KCNH6: variants seen among roughly 807,000 people sequenced by gnomAD.
The protein encoded by KCNH6 is potassium voltage-gated channel subfamily H member 6.
Under a neutral mutation model 83.4 loss-of-function variants are expected in KCNH6, and 81 were observed. The ratio of observed to expected loss-of-function variants is 0.97; its 90% CI spans 0.81 to 1.17. The LOEUF (loss-of-function observed/expected upper bound fraction) is 1.17, where lower values mean the gene tolerates loss of function less well. Among genes scored for constraint, KCNH6 ranks in the 50% most tolerant of loss-of-function variants. The pLI, the probability that KCNH6 is intolerant of heterozygous loss-of-function variation, is 0.00. For missense variants in KCNH6, 1,203 were observed against 1,290.5 expected (o/e 0.93, Z 1.04); for synonymous variants, 503 against 545.6 (o/e 0.92, Z 1.09).
intron 10 of KCNH6, 91 bp downstream of exon 10, chr17:63,543,751 G>A (rs554860260): frequency 1.5e-5 from 12 of 803,502 alleles, no homozygotes; most frequent in African/African-American, 3.5e-5. Flanking sequence ...CCTCCCCAGC[G>A]CCACCCCACT....
In KCNH6 at chr17:63,534,539, C is replaced by A. The variant is rs1056753899; in HGVS notation, c.1101+228C>A. Among the ~76,000 whole-genome samples, 1 of 152,126 alleles carries A rather than the reference C, an allele frequency of 6.6e-6. No individual in the cohort carries two copies. Among genetic ancestry groups the A allele is most frequent in the Non-Finnish European group, 1.5e-5 (1 of 68,002 alleles). On this transcript the variant is annotated intron_variant, in intron 5 of 12. Coordinates refer to ENST00000314672, the MANE Select transcript of KCNH6 (RefSeq NM_001278919.2). This position sits in a 1 kb window ranked among gnomAD's most constrained non-coding sequence, Gnocchi z 5.0. ...TCTGTCCCTCTGCCCCCTCTCTGAG[C>A]AGGCCCTGGTAAGAGGAGCAGGCTG... is the stretch of plus-strand genomic sequence containing the variant.
chr17:63,524,932 G>C (rs4257270), intron 2 of KCNH6, among the ~76,000 whole-genome samples: 1 of 151,860 alleles, frequency 6.6e-6, no homozygotes, highest in African/African-American at 2.4e-5. Context: ...GAACAGAAGC[G>C]TAAGTCAGGA....
Position 63,545,640 on chromosome 17 carries a change from G to A in KCNH6, c.2615G>A (p.Ser872Asn). The change falls in exon 13 of 13, where the codon AGT becomes AAT. Residue 872 changes from serine to asparagine, a missense_variant. Coordinates refer to ENST00000314672, the MANE Select transcript of KCNH6 (RefSeq NM_001278919.2). Reference protein sequence around the residue: ...TPSYGDLDDCSPKHRNSSPRM... With the variant: ...TPSYGDLDDCNPKHRNSSPRM... Reference sequence around the variant, plus strand: ...AGCTATGGAGACTTGGATGACTGTAGTCCAAAGCACAGGAACTCCTCCCCC... The same window carrying A: ...AGCTATGGAGACTTGGATGACTGTAATCCAAAGCACAGGAACTCCTCCCCC... 3 of 1,613,894 alleles carry A rather than the reference G, an allele frequency of 1.9e-6. No homozygotes were observed. Among genetic ancestry groups the A allele is most frequent in the Non-Finnish European group, 2.5e-6 (3 of 1,179,962 alleles).
rs1306199754 is a variant in KCNH6, at chr17:63,542,245, G to A, written c.1959G>A (p.Lys653=). Residue 653 remains lysine (K), a synonymous_variant, in exon 9 of 13, where the codon AAG becomes AAA. Coordinates refer to ENST00000314672, the MANE Select transcript of KCNH6 (RefSeq NM_001278919.2). ...RDDVVVAILG[K]NDIFGEPVSL... ...TCCCACCCCTCTGGCTGGCAGGAAA[G>A]AATGACATCTTTGGGGAACCCGTCA... 1 of 1,613,700 alleles carries A rather than the reference G, an allele frequency of 6.2e-7. No homozygotes were observed. The highest frequency in any genetic ancestry group is 2.2e-5 in the East Asian group (1 of 44,886).
chr17:63,525,913 G>A (rs935353152), intron 2 of KCNH6, among the ~76,000 whole-genome samples: 5 of 152,198 alleles, frequency 3.3e-5, no homozygotes, highest in African/African-American at 9.6e-5. Context: ...AGCAGGAAAT[G>A]GGGGTTACAG....
At position 63,542,242 on chromosome 17, in the gene KCNH6, A is replaced by T; in HGVS notation, c.1956A>T (p.Gly652=). 2 of 1,613,474 alleles carry T rather than the reference A, an allele frequency of 1.2e-6. No homozygotes were observed. Among genetic ancestry groups the T allele is most frequent in the Non-Finnish European group, 1.7e-6 (2 of 1,179,622 alleles). The part of the protein sequence containing the change: ...LRDDVVVAIL[G]KNDIFGEPVS... ...GACTCCCACCCCTCTGGCTGGCAGG[A>T]AAGAATGACATCTTTGGGGAACCCG... Residue 652 remains glycine (G), a splice_region_variant and synonymous_variant, in exon 9 of 13, where the codon GGA becomes GGT. Coordinates refer to ENST00000314672, the MANE Select transcript of KCNH6 (RefSeq NM_001278919.2).
In KCNH6 at chr17:63,534,032, G is replaced by A. The variant is rs7224716; in HGVS notation, c.822G>A (p.Thr274=). 4.4e-3 allele frequency: 7,105 copies of A among 1,614,138 alleles called. 163 individuals carry two copies. In the African/African-American group the frequency reaches 0.063, roughly 14 times the overall value. The part of the protein sequence containing the change: ...LLLVIYTAVF[T]PYSAAFLLSD... ...TGGTCATCTACACGGCTGTCTTCAC[G>A]CCCTACTCAGCCGCCTTCCTGCTCA... is the stretch of plus-strand genomic sequence containing the variant. The change falls in exon 5 of 13, where the codon ACG becomes ACA. Residue 274 remains threonine (T), a synonymous_variant. Coordinates refer to ENST00000314672, the MANE Select transcript of KCNH6 (RefSeq NM_001278919.2). This position sits in a 1 kb window ranked among gnomAD's most constrained non-coding sequence, Gnocchi z 5.0.
chr17:63,544,972 C>T lies in KCNH6; in HGVS notation c.2397-106C>T, dbSNP rs2033071513. On this transcript the variant is annotated intron_variant, in intron 11 of 12. Coordinates refer to ENST00000314672, the MANE Select transcript of KCNH6 (RefSeq NM_001278919.2). ...AAATAGCTTCAGGTAGGCCCCAGGC[C>T]GCCATTCCATCTAGCAGGAACAGCA... The T allele has an allele frequency of 8.9e-6, 10 of 1,123,282 alleles. No homozygotes were observed. The East Asian group carries it at 1.6e-4, about 19-fold the overall frequency. The allele number at this position is 1,123,282 out of a possible 1,614,324, so 69.6% of individuals were successfully genotyped here.
In KCNH6 at chr17:63,545,811, C is replaced by T. The variant is rs755467418; in HGVS notation, c.2786C>T (p.Ser929Phe). ...CTCATCTGTGGTCCCTGCTTCTCCTCCCTCCCTGAACACCTTGGCTCTGTT... is the reference window on the plus strand; with the variant it reads ...CTCATCTGTGGTCCCTGCTTCTCCTTCCTCCCTGAACACCTTGGCTCTGTT... ...QGLICGPCFS[S>F]LPEHLGSVPK... Residue 929 changes from serine (S) to phenylalanine (F), a missense_variant, in exon 13 of 13, where the codon TCC becomes TTC. Coordinates refer to ENST00000314672, the MANE Select transcript of KCNH6 (RefSeq NM_001278919.2). The T allele has an allele frequency of 1.2e-6, 2 of 1,614,132 alleles. No individual in the cohort carries two copies. The highest frequency in any genetic ancestry group is 2.2e-5 in the East Asian group (1 of 44,880).
chr17:63,541,406 A>C (rs2032854806), intron 8 of KCNH6, among the ~76,000 whole-genome samples: 1 of 150,006 alleles, frequency 6.7e-6, no homozygotes, highest in Non-Finnish European at 1.5e-5. Context: ...CTTCTGCCTC[A>C]GCCTCCCGAG....
In KCNH6 at chr17:63,538,065, C is replaced by T. The variant is rs1266544005; in HGVS notation, c.1502C>T (p.Ser501Phe). 6.2e-7 allele frequency: 1 copy of T among 1,612,856 alleles called. No individual in the cohort carries two copies. Among genetic ancestry groups the T allele is most frequent in the African/African-American group, 1.3e-5 (1 of 74,920 alleles). The stretch of plus-strand genomic sequence containing the variant: ...AGCTCACTCTCCGCCCCGCCCCCAG[C>T]CCTGATGTACGCCAGCATCTTCGGG... ...VFSICVMLIG[S>F]LMYASIFGNV... is the part of the protein sequence containing the mutation. The change falls in exon 7 of 13, where the codon TCC becomes TTC. Residue 501 changes from serine (S) to phenylalanine (F), a missense_variant and splice_region_variant. Ser to Phe is a radical substitution (Grantham distance 155, BLOSUM62 -2). Coordinates refer to ENST00000314672, the MANE Select transcript of KCNH6 (RefSeq NM_001278919.2). The surrounding 1 kb of genome is among the most constrained non-coding windows in gnomAD (Gnocchi z 4.0).
At chr17:63,547,626 T>C (rs1025085795), downstream of KCNH6, among the ~76,000 whole-genome samples, 2 of 152,124 alleles carry the variant, frequency 1.3e-5, no homozygotes, top group African/African-American at 4.8e-5. Flanking sequence ...CTAATATTGA[T>C]CACCCTATCA....
At chr17:63,528,408 A>G (rs887942524) in intron 2 of KCNH6, among the ~76,000 whole-genome samples, 9 of 152,038 alleles carry the variant, frequency 5.9e-5, no homozygotes, top group African/African-American at 2.2e-4. Flanking sequence ...GAAATCCAAT[A>G]CGAGAGATTC....
chr17:63,540,546 A>T (rs1286606314), intron 8 of KCNH6, among the ~76,000 whole-genome samples: 2 of 152,204 alleles, frequency 1.3e-5, no homozygotes, highest in Non-Finnish European at 2.9e-5. Flanking sequence ...TGTCCTGAGT[A>T]GAAAAAGACA....
chr17:63,530,303 C>G, intron 3 of KCNH6, 34 bp from the exon 4 acceptor site: 2 of 1,613,988 alleles, frequency 1.2e-6, no homozygotes, highest in Non-Finnish European at 1.7e-6. Context: ...GGTCCCCTGG[C>G]CGTGGCTGCT....
At chr17:63,537,489 C>G (rs1031997423) in intron 6 of KCNH6, among the ~76,000 whole-genome samples, 1 of 152,160 alleles carries the variant, frequency 6.6e-6, no homozygotes, top group African/African-American at 2.4e-5. Flanking sequence ...GGCTGGAGCT[C>G]AGTGGCATGG....
intron 4 of KCNH6, among the ~76,000 whole-genome samples, chr17:63,532,586 A>C (rs1456362046): frequency 1.3e-5 from 2 of 152,096 alleles, no homozygotes; most frequent in East Asian, 3.9e-4. Flanking sequence ...TGAGCAGGTC[A>C]CTGCAGGGTG....
intron 4 of KCNH6, among the ~76,000 whole-genome samples, chr17:63,531,196 C>T (rs559258192): frequency 2.0e-5 from 3 of 152,360 alleles, no homozygotes; most frequent in Non-Finnish European, 2.9e-5. Flanking sequence ...CTCATGAGGC[C>T]GGAAGCCCTG....
rs773238591 is a variant in KCNH6 at position 63,534,012 on chromosome 17, A to G, written c.802A>G (p.Ile268Val). 3.1e-6 allele frequency: 5 copies of G among 1,614,158 alleles called. No homozygotes were observed. The highest frequency in any genetic ancestry group is 4.2e-6 in the Non-Finnish European group (5 of 1,180,012). Reference protein sequence around the residue: ...VWDWLILLLVIYTAVFTPYSA... With the variant: ...VWDWLILLLVVYTAVFTPYSA... ...GGACTGGCTCATCCTGCTGCTGGTC[A>G]TCTACACGGCTGTCTTCACGCCCTA... The change falls in exon 5 of 13, where the codon ATC (isoleucine) becomes GTC (valine). Residue 268 changes from isoleucine to valine, a missense_variant. Physicochemically the swap from Ile to Val is conservative, Grantham distance 29. Transcript: ENST00000314672. This position sits in a 1 kb window ranked among gnomAD's most constrained non-coding sequence, Gnocchi z 5.0.
Sources: gnomAD v4.1 joint callset for allele counts (sites outside exome capture counted in the v4.1 genomes callset) on GRCh38, gnomAD v4.1.1 for gene constraint, Gnocchi (gnomAD v3.1) non-coding constraint, MANE v1.5 for transcripts, NCBI Gene and HGNC (gene_info 2026-07-23, HGNC 2026-07-21) for gene names.